PLEKHM3: variants seen among roughly 807,000 people sequenced by gnomAD.
PLEKHM3 encodes the protein pleckstrin homology domain containing M3, also known as pleckstrin homology domain-containing family M member 3.
In PLEKHM3, 45 loss-of-function variants were observed where a neutral mutation model predicts 81.8. That is an observed-to-expected ratio of 0.55 (90% CI 0.43 to 0.71). The LOEUF (loss-of-function observed/expected upper bound fraction) is 0.71, where lower values mean the gene tolerates loss of function less well. Ranked by LOEUF, PLEKHM3 falls within the 30% of genes least tolerant of loss-of-function variation. PLEKHM3 has a pLI of 0.00. For synonymous variants in PLEKHM3, 352 were observed against 356.4 expected (o/e 0.99, Z 0.14); for missense variants, 788 against 924.3 (o/e 0.85, Z 1.91).
chr2:207,966,650 T>G (rs1444307846), intron 3 of PLEKHM3, among the ~76,000 whole-genome samples: 1 of 152,150 alleles, frequency 6.6e-6, no homozygotes, highest in Non-Finnish European at 1.5e-5. Flanking sequence ...CCTCCCGGGT[T>G]CAAGAGGTTC....
At chr2:207,903,971 AATTCT>A (rs890781630) in intron 6 of PLEKHM3, among the ~76,000 whole-genome samples, 24 of 152,160 alleles carry the variant, frequency 1.6e-4, no homozygotes, top group African/African-American at 5.1e-4. Flanking sequence ...ACAAAACACA[AATTCT>A]ATTCTATTTA....
chr2:208,015,739 A>G (rs6741366), intron 1 of PLEKHM3, among the ~76,000 whole-genome samples: 98,677 of 152,116 alleles, frequency 0.65, 33,030 homozygotes, highest in Non-Finnish European at 0.73. Context: ...GTTTCCCTGC[A>G]ACATCATTTT....
At chr2:207,939,510 C>T (rs903330245) in intron 4 of PLEKHM3, among the ~76,000 whole-genome samples, 1 of 152,072 alleles carries the variant, frequency 6.6e-6, no homozygotes, top group African/African-American at 2.4e-5. Context: ...CTAAGGATCA[C>T]GAAGGCTAAG....
At chr2:207,887,690 C>A (rs1024754273) in intron 6 of PLEKHM3, among the ~76,000 whole-genome samples, 3 of 152,122 alleles carry the variant, frequency 2.0e-5, no homozygotes, top group South Asian at 2.1e-4. Flanking sequence ...ATTAGTTGGT[C>A]CTGAACAAAA....
chr2:207,909,084 TGAG>T lies in PLEKHM3; in HGVS notation c.1887-510_1887-508del, dbSNP rs148749231. 2.8e-3 allele frequency among the ~76,000 whole-genome samples: 430 copies of T among 152,320 alleles called. 2 individuals are homozygous for T. The highest frequency in any genetic ancestry group is 0.01 in the African/African-American group (421 of 41,564). ...TAGAGGCTTCTACGGCTTTCATTAA[TGAG>T]GAGGAGTGATACTGAATATCATATT... On this transcript the variant is annotated intron_variant, in intron 5 of 7. Coordinates refer to ENST00000427836, the MANE Select transcript of PLEKHM3 (RefSeq NM_001080475.3).
intron 7 of PLEKHM3, among the ~76,000 whole-genome samples, chr2:207,833,142 G>A (rs2092298026): frequency 6.7e-6 from 1 of 149,018 alleles, no homozygotes; most frequent in African/African-American, 2.5e-5. Context: ...AAGATTCATT[G>A]GCCCCCCTGA....
chr2:207,839,002 T>G (rs764205656), intron 7 of PLEKHM3, among the ~76,000 whole-genome samples: 56 of 152,200 alleles, frequency 3.7e-4, no homozygotes, highest in Non-Finnish European at 7.6e-4. Flanking sequence ...GAATGCAGAT[T>G]CAAACAAATG....
At chr2:207,993,799 A>G (rs1314721003) in intron 2 of PLEKHM3, among the ~76,000 whole-genome samples, 1 of 152,170 alleles carries the variant, frequency 6.6e-6, no homozygotes, top group East Asian at 1.9e-4. Flanking sequence ...CAGTTTGTTG[A>G]GTTTCAGAGC....
intron 6 of PLEKHM3, among the ~76,000 whole-genome samples, chr2:207,906,780 C>T (rs1227488560): frequency 2.0e-5 from 3 of 151,506 alleles, no homozygotes; most frequent in African/African-American, 7.3e-5. Context: ...CAGAGCGAGA[C>T]TGTCAAATAA....
At chr2:207,963,192 G>A (rs912061224) in intron 3 of PLEKHM3, among the ~76,000 whole-genome samples, 1 of 152,128 alleles carries the variant, frequency 6.6e-6, no homozygotes, top group African/African-American at 2.4e-5. Context: ...AGAATGAGCT[G>A]GGGGTCGTGC....
At chr2:208,013,943 G>C (rs1692788523) in intron 1 of PLEKHM3, among the ~76,000 whole-genome samples, 1 of 152,208 alleles carries the variant, frequency 6.6e-6, no homozygotes, top group Non-Finnish European at 1.5e-5. Flanking sequence ...TTCTGTCTCT[G>C]CTGAACTTGA....
intron 7 of PLEKHM3, among the ~76,000 whole-genome samples, chr2:207,837,053 A>C (rs1348709211): frequency 1.3e-5 from 2 of 152,210 alleles, no homozygotes; most frequent in Non-Finnish European, 1.5e-5. Flanking sequence ...TTTTCCAAAA[A>C]ACCAAGATTA....
chr2:207,958,260 ACCTGCTAGTAACAT>A (rs1690589963), intron 3 of PLEKHM3, among the ~76,000 whole-genome samples: 1 of 152,200 alleles, frequency 6.6e-6, no homozygotes, highest in Non-Finnish European at 1.5e-5. Flanking sequence ...CTACTAGACT[ACCTGCTAGTAACAT>A]CTGCTCCAAG....
At chr2:207,891,491 C>G (rs1194203462) in intron 6 of PLEKHM3, among the ~76,000 whole-genome samples, 3 of 152,196 alleles carry the variant, frequency 2.0e-5, no homozygotes, top group African/African-American at 7.2e-5. Flanking sequence ...GATACAAACT[C>G]AAGCTGTCTG....
chr2:207,925,517 T>C (rs1231188923), intron 5 of PLEKHM3, among the ~76,000 whole-genome samples: 2 of 152,222 alleles, frequency 1.3e-5, no homozygotes, highest in African/African-American at 4.8e-5. Context: ...CCTCGCACTT[T>C]CCTTATGAGG....
chr2:207,863,007 G>A (rs915928084), intron 6 of PLEKHM3, among the ~76,000 whole-genome samples: 23 of 152,206 alleles, frequency 1.5e-4, no homozygotes, highest in Non-Finnish European at 2.9e-4. Context: ...TGCACCAGGA[G>A]GTACCTTTGC....
In PLEKHM3 at chr2:207,843,080, A is replaced by C. The variant is rs1023305715; in HGVS notation, c.2109-14584T>G. Among the ~76,000 whole-genome samples, 1 of 152,164 alleles carries C rather than the reference A, an allele frequency of 6.6e-6. No homozygotes were observed. Among genetic ancestry groups the C allele is most frequent in the African/African-American group, 2.4e-5 (1 of 41,432 alleles). On this transcript the variant is annotated intron_variant, in intron 7 of 7. Coordinates refer to ENST00000427836, the MANE Select transcript of PLEKHM3 (RefSeq NM_001080475.3). The surrounding 1 kb of genome is among the most constrained non-coding windows in gnomAD (Gnocchi z 4.4). ...TCCCTCCCACCACAGCTACCAGTGT[A>C]GCTAAAGCTACGGGTGCACACCACC...
chr2:207,849,060 G>A (rs554710345), intron 7 of PLEKHM3, among the ~76,000 whole-genome samples: 96 of 152,296 alleles, frequency 6.3e-4, no homozygotes, highest in Admixed American at 6.0e-3. Context: ...CTGGCTGGGC[G>A]TGGTGGCTCA....
At chr2:207,948,502 C>T (rs1690216220) in intron 3 of PLEKHM3, among the ~76,000 whole-genome samples, 3 of 151,358 alleles carry the variant, frequency 2.0e-5, no homozygotes, top group Non-Finnish European at 2.9e-5. Flanking sequence ...ACTACAGGCA[C>T]GTGCCACCAT....
Sources: gnomAD v4.1 joint callset for allele counts (sites outside exome capture counted in the v4.1 genomes callset) on GRCh38, gnomAD v4.1.1 for gene constraint, Gnocchi (gnomAD v3.1) non-coding constraint, MANE v1.5 for transcripts, NCBI Gene and HGNC (gene_info 2026-07-23, HGNC 2026-07-21) for gene names.